The following LARP1B variants were observed in gnomAD, a reference collection of about 807,000 sequenced individuals.
LARP1B encodes the protein La ribonucleoprotein 1B.
Under a neutral mutation model 114.2 loss-of-function variants are expected in LARP1B, and 76 were observed. The ratio of observed to expected loss-of-function variants is 0.67; its 90% confidence interval spans 0.55 to 0.81. LARP1B has a LOEUF of 0.81. Among genes scored for constraint, LARP1B ranks in the 30% least tolerant of loss-of-function variants. The probability of loss-of-function intolerance (pLI) is 0.00; values close to 1 mark genes in which losing one functional copy is unlikely to be tolerated. For synonymous variants in LARP1B, 345 were observed against 348.0 expected, an observed-to-expected ratio of 0.99 and a Z score of 0.10; for missense variants, 1,014 against 1,075.8, an observed-to-expected ratio of 0.94 and a Z score of 0.80.
chr4:128,167,259 G>T (rs1414321465), intron 12 of LARP1B, among the ~76,000 whole-genome samples: 3 of 151,796 alleles, frequency 2.0e-5, no homozygotes, highest in Non-Finnish European at 4.4e-5. Flanking sequence ...GGACTGTTGG[G>T]TCATATGGTA....
chr4:128,114,311 CAT>C (rs1406220492), intron 9 of LARP1B, among the ~76,000 whole-genome samples: 1 of 152,160 alleles, frequency 6.6e-6, no homozygotes, highest in African/African-American at 2.4e-5. Flanking sequence ...AAGTGACTCA[CAT>C]TGATATTTTT....
chr4:128,171,614 G>T (rs1743782902), intron 12 of LARP1B, among the ~76,000 whole-genome samples: 1 of 152,072 alleles, frequency 6.6e-6, no homozygotes, highest in South Asian at 2.1e-4. Flanking sequence ...CTCTATTTGT[G>T]ATGTTTCAGG....
At chr4:128,173,268 G>A (rs1014809584) in intron 12 of LARP1B, among the ~76,000 whole-genome samples, 1 of 151,970 alleles carries the variant, frequency 6.6e-6, no homozygotes, top group Non-Finnish European at 1.5e-5. Flanking sequence ...ATGGCCTCTC[G>A]CTGTTTTTAT....
chr4:128,155,887 G>T lies in LARP1B; in HGVS notation c.1525-6307G>T, dbSNP rs1279170197. On this transcript the variant is annotated intron_variant, in intron 11 of 19. Coordinates refer to ENST00000326639, the MANE Select transcript of LARP1B (RefSeq NM_018078.4). ...GGAGCGCCTGGAGCTGGTGCTGGAAGCCCACTGACCCATCTGCAAAATCCC... is the reference window on the plus strand; with the variant it reads ...GGAGCGCCTGGAGCTGGTGCTGGAATCCCACTGACCCATCTGCAAAATCCC... 1.0e-5 allele frequency: 16 copies of T among 1,551,312 alleles called. No homozygotes were observed. The East Asian group carries it at 3.6e-4, about 35-fold the overall frequency.
At chr4:128,062,873 C>G (rs1476492656) in intron 1 of LARP1B, among the ~76,000 whole-genome samples, 2 of 151,764 alleles carry the variant, frequency 1.3e-5, no homozygotes, top group African/African-American at 4.8e-5. Context: ...CATGTGTAAC[C>G]TGCACGTTGT....
At chr4:128,181,840 CT>C (rs1211345469) in intron 15 of LARP1B, among the ~76,000 whole-genome samples, 1 of 122,490 alleles carries the variant, frequency 8.2e-6, no homozygotes, top group African/African-American at 3.2e-5. Flanking sequence ...AAGTCTCGCT[CT>C]GTCGCCCAGG....
Position 128,206,440 on chromosome 4 carries a change from ATGTC to A in LARP1B, c.2326_2329del (p.Leu776SerfsTer36), listed in dbSNP as rs1561574054. 1 of 1,601,288 alleles carries A rather than the reference ATGTC, an allele frequency of 6.2e-7. No individual in the cohort carries two copies. Among genetic ancestry groups the A allele is most frequent in the Non-Finnish European group, 8.5e-7 (1 of 1,173,192 alleles). On this transcript the variant is annotated frameshift_variant, in exon 18 of 20. Coordinates refer to ENST00000326639, the MANE Select transcript of LARP1B (RefSeq NM_018078.4). LOFTEE classifies it high-confidence loss of function. The stretch of plus-strand genomic sequence containing the variant: ...TTTCTCTTTATAGGTATGGGTTAGA[ATGTC>A]TGTTCAGGTTTTATAGTTATGGACT...
intron 8 of LARP1B, among the ~76,000 whole-genome samples, chr4:128,101,246 G>A (rs1276835275): frequency 6.6e-6 from 1 of 151,968 alleles, no homozygotes; most frequent in Non-Finnish European, 1.5e-5. Flanking sequence ...GGCCAAGGCC[G>A]ATGGATCACT....
At position 128,220,362 on chromosome 4, in the gene LARP1B, A is replaced by G. The variant is rs559954391; in HGVS notation, n.856A>G. 589 of 964,072 alleles carry G rather than the reference A, an allele frequency of 6.1e-4. 17 individuals carry two copies. The South Asian group carries it at 0.026, about 42-fold the overall frequency. The allele number at this position is 964,072 out of a possible 1,614,324, so 59.7% of individuals were successfully genotyped here. On this transcript the variant is annotated non_coding_transcript_exon_variant, in exon 7 of 8. Coordinates refer to the LARP1B transcript ENST00000503725. ...TATTTTATTCTTGCATAGGAGGCTG[A>G]TCCGATAGAGTAATACCTAATTATA...
chr4:128,088,196 CAAT>C (rs999388393), intron 5 of LARP1B, among the ~76,000 whole-genome samples: 4 of 73,006 alleles, frequency 5.5e-5, no homozygotes, highest in East Asian at 2.8e-4. Context: ...TCTCTAAAAT[CAAT>C]AATAATGATG....
chr4:128,066,150 T>C (rs1240422311), intron 1 of LARP1B, among the ~76,000 whole-genome samples: 1 of 149,062 alleles, frequency 6.7e-6, no homozygotes. Flanking sequence ...CTATTGTCTA[T>C]TTTCTTTCTT....
intron 1 of LARP1B, among the ~76,000 whole-genome samples, chr4:128,070,357 C>A (rs1447872092): frequency 1.3e-5 from 2 of 151,730 alleles, no homozygotes; most frequent in Non-Finnish European, 2.9e-5. Context: ...ATCTAAACTC[C>A]TTTTAAAAAT....
chr4:128,130,377 C>T (rs1791179843), intron 11 of LARP1B, among the ~76,000 whole-genome samples: 1 of 152,070 alleles, frequency 6.6e-6, no homozygotes, highest in South Asian at 2.1e-4. Flanking sequence ...AAAGAAAAAA[C>T]TTGAAAGACC....
chr4:128,087,910 C>A (rs1364469015), intron 5 of LARP1B, among the ~76,000 whole-genome samples: 4 of 151,684 alleles, frequency 2.6e-5, no homozygotes, highest in Non-Finnish European at 5.9e-5. Flanking sequence ...GACTTTTTTT[C>A]TATTGTTTTT....
intron 15 of LARP1B, among the ~76,000 whole-genome samples, chr4:128,194,437 C>T (rs981272063): frequency 6.6e-6 from 1 of 150,548 alleles, no homozygotes; most frequent in Non-Finnish European, 1.5e-5. Flanking sequence ...AATCCCAGCA[C>T]TTTGGGAGGC....
intron 11 of LARP1B, among the ~76,000 whole-genome samples, chr4:128,129,737 A>C (rs1041871125): frequency 6.6e-6 from 1 of 152,208 alleles, no homozygotes. Flanking sequence ...AGATGCAGTC[A>C]ACTGATGCTT....
chr4:128,138,778 T>A (rs536537793), intron 11 of LARP1B, among the ~76,000 whole-genome samples: 7 of 152,208 alleles, frequency 4.6e-5, no homozygotes, highest in Non-Finnish European at 8.8e-5. Flanking sequence ...GCCACCGTGG[T>A]GAAATCCTAT....
chr4:128,207,253 T>C lies in LARP1B; in HGVS notation c.2420-3T>C, dbSNP rs760616374. On this transcript the variant is annotated splice_region_variant and splice_polypyrimidine_tract_variant and intron_variant, in intron 18 of 19. Coordinates refer to ENST00000326639, the MANE Select transcript of LARP1B (RefSeq NM_018078.4). ...CATAATGTATATTATTCTTTGTTAT[T>C]AGGTCAGCTGTATGGACTAGAAAAG... 1.3e-5 allele frequency: 17 copies of C among 1,351,286 alleles called. No homozygotes were observed. The South Asian group carries it at 2.3e-4, about 18-fold the overall frequency. The allele number at this position is 1,351,286 out of a possible 1,614,324, so 83.7% of individuals were successfully genotyped here.
chr4:128,105,224 C>CTA lies in LARP1B; in HGVS notation c.814-1914_814-1913insAT, dbSNP rs370846701. Among the ~76,000 whole-genome samples the CTA allele has an allele frequency of 3.3e-3, 508 of 152,274 alleles. 4 individuals carry two copies. The highest frequency in any genetic ancestry group is 0.012 in the African/African-American group (480 of 41,564). ...TATTCTAAAAACTTCCTTCATGGCT[C>CTA]TTTCTAGTCAGTGTCACACAGCCTC... On this transcript the variant is annotated intron_variant, in intron 8 of 19. Coordinates refer to ENST00000326639, the MANE Select transcript of LARP1B (RefSeq NM_018078.4).
Sources: allele counts gnomAD v4.1 joint callset (sites outside exome capture counted in the v4.1 genomes callset), GRCh38; gene constraint gnomAD v4.1.1; transcripts MANE v1.5; gene names NCBI Gene and HGNC (gene_info 2026-07-23, HGNC 2026-07-21).